CEP19: variants seen among roughly 807,000 people sequenced by gnomAD.
CEP19 encodes the protein centrosomal protein 19, also known as centrosomal protein of 19 kDa.
Under a neutral mutation model 17.5 loss-of-function variants are expected in CEP19, and 14 were observed. The observed-to-expected ratio is 0.80, with a 90% CI of 0.53 to 1.25. The LOEUF (loss-of-function observed/expected upper bound fraction) is 1.25, where lower values mean the gene tolerates loss of function less well. Ranked by LOEUF, CEP19 falls within the 50% of genes most tolerant of loss-of-function variation. The pLI is 0.00. For missense variants in CEP19, 193 were observed against 192.0 expected, an observed-to-expected ratio of 1.01 and a Z score of -0.03; for synonymous variants, 59 against 65.5, an observed-to-expected ratio of 0.90 and a Z score of 0.48.
intron 1 of CEP19, among the ~76,000 whole-genome samples, chr3:196,709,899 G>A (rs1025719039): frequency 2.0e-5 from 3 of 152,182 alleles, no homozygotes; most frequent in African/African-American, 7.2e-5. Context: ...ACTCAGTTCT[G>A]CTGGAGAATC....
chr3:196,707,890 T>C lies in CEP19; in HGVS notation c.153A>G (p.Gln51=). The C allele has an allele frequency of 1.9e-6, 3 of 1,611,698 alleles. No individual in the cohort carries two copies. Among genetic ancestry groups the C allele is most frequent in the Non-Finnish European group, 2.5e-6 (3 of 1,179,894 alleles). The change falls in exon 3 of 3, where the codon CAA becomes CAG. Residue 51 remains glutamine, a synonymous_variant. Coordinates refer to ENST00000409690, the MANE Select transcript of CEP19 (RefSeq NM_032898.5). ...KFSDCTRAAE[Q]LKNNPRHKSY... is the part of the protein sequence containing the mutation. Reference sequence around the variant, plus strand: ...TCTTGTGTCGCGGATTATTCTTTAATTGTTCAGCAGCTCTGGTGCAATCTG... The same window carrying C: ...TCTTGTGTCGCGGATTATTCTTTAACTGTTCAGCAGCTCTGGTGCAATCTG...
intron 2 of CEP19, 106 bp from the exon 3 acceptor site, chr3:196,708,018 A>C (rs1187538396): frequency 1.6e-6 from 2 of 1,252,130 alleles, no homozygotes; most frequent in Non-Finnish European, 2.2e-6. Context: ...AACCCTGAAA[A>C]TATTATCTCC....
Position 196,707,625 on chromosome 3 carries a change from T to C in CEP19, c.418A>G (p.Ile140Val), listed in dbSNP as rs1315226052. ...TCGTCCTGTGGAAATTCAACCTCAATGTCATAAACAAAATTTGGATCATCC... is the reference window on the plus strand; with the variant it reads ...TCGTCCTGTGGAAATTCAACCTCAACGTCATAAACAAAATTTGGATCATCC... ...KKDDPNFVYD[I>V]EVEFPQDDQL... Residue 140 changes from isoleucine (I) to valine (V), a missense_variant, in exon 3 of 3, where the codon ATT becomes GTT. By Grantham distance (29) the Ile-to-Val change is conservative. Coordinates refer to ENST00000409690, the MANE Select transcript of CEP19 (RefSeq NM_032898.5). 1 of 1,613,888 alleles carries C rather than the reference T, an allele frequency of 6.2e-7. No individual in the cohort carries two copies. Among genetic ancestry groups the C allele is most frequent in the Non-Finnish European group, 8.5e-7 (1 of 1,180,008 alleles).
At position 196,707,863 on chromosome 3, in the gene CEP19, A is replaced by G; in HGVS notation, c.180T>C (p.Ser60=). 6.2e-7 allele frequency: 1 copy of G among 1,613,700 alleles called. No individual in the cohort carries two copies. Among genetic ancestry groups the G allele is most frequent in the Non-Finnish European group, 8.5e-7 (1 of 1,180,002 alleles). The change falls in exon 3 of 3, where the codon AGT becomes AGC. Residue 60 remains serine (S), a synonymous_variant. Coordinates refer to ENST00000409690, the MANE Select transcript of CEP19 (RefSeq NM_032898.5). ...GCCTCAGGGATACTTGTTCTAGGTA[A>G]CTCTTGTGTCGCGGATTATTCTTTA... The part of the protein sequence containing the change: ...EQLKNNPRHK[S]YLEQVSLRQL...
intron 1 of CEP19, 121 bp downstream of exon 1, chr3:196,711,808 T>C (rs1711804858): frequency 7.2e-6 from 5 of 694,724 alleles, no homozygotes; most frequent in Non-Finnish European, 1.3e-5. Context: ...TCCCCAGAGA[T>C]CAGTAACTGC....
chr3:196,710,877 A>G (rs1711735797), intron 1 of CEP19, among the ~76,000 whole-genome samples: 1 of 149,598 alleles, frequency 6.7e-6, no homozygotes, highest in Non-Finnish European at 1.5e-5. Context: ...AACTACTTTA[A>G]AAAATTACTG....
In CEP19 at chr3:196,712,112, C is replaced by G. The variant is rs1465164291; in HGVS notation, c.-254G>C. 8.0e-6 allele frequency: 5 copies of G among 623,898 alleles called. No homozygotes were observed. The highest frequency in any genetic ancestry group is 1.5e-5 in the Non-Finnish European group (5 of 338,756). 38.6% of individuals were successfully genotyped at this position (623,898 alleles called of 1,614,324 possible). ...CTGACGAGCCCGAGGGGTGAACTCC[C>G]CGGCGGGAGGCCCGAACCCTCAAAC... On this transcript the variant is annotated 5_prime_UTR_variant, in exon 1 of 3. Coordinates refer to ENST00000409690, the MANE Select transcript of CEP19 (RefSeq NM_032898.5).
intron 1 of CEP19, 126 bp from the exon 2 acceptor site, chr3:196,708,853 T>A (rs570311203): frequency 6.6e-5 from 37 of 562,574 alleles, no homozygotes; most frequent in Middle Eastern, 4.7e-4. Flanking sequence ...TCATTTTTTT[T>A]AAAATTAAAA....
chr3:196,708,732 A>AG lies in CEP19; in HGVS notation c.-70-6dup. The AG allele has an allele frequency of 6.7e-7, 1 of 1,495,466 alleles. No homozygotes were observed. Among genetic ancestry groups the AG allele is most frequent in the East Asian group, 2.4e-5 (1 of 42,098 alleles). 92.6% of individuals were successfully genotyped at this position (1,495,466 alleles called of 1,614,324 possible). A position where few individuals can be genotyped will look rare whatever the true frequency, so the allele number is the denominator to read the frequency against. ...AAGTTGCATAATGACTTCCTGCTAAAGGGAAAAAACAACTAGGTGTTGGAT... is the reference window on the plus strand; with the variant it reads ...AAGTTGCATAATGACTTCCTGCTAAAGGGGAAAAAACAACTAGGTGTTGGAT... On this transcript the variant is annotated splice_polypyrimidine_tract_variant and splice_region_variant and intron_variant, in intron 1 of 2. Transcript: ENST00000409690.
At position 196,708,845 on chromosome 3, in the gene CEP19, A is replaced by ATT. The variant is rs79412711; in HGVS notation, c.-70-120_-70-119dup. On this transcript the variant is annotated intron_variant, in intron 1 of 2. Transcript: ENST00000409690. ...CACACACGCTCAGCCTGTGAAACTC[A>ATT]TTTTTTTTAAAATTAAAATACGGAC... 1.4e-5 allele frequency: 8 copies of ATT among 571,438 alleles called. No homozygotes were observed. In the East Asian group the frequency reaches 1.5e-4, roughly 11 times the overall value. The allele number at this position is 571,438 out of a possible 1,614,324, so 35.4% of individuals were successfully genotyped here.
At position 196,707,881 on chromosome 3, in the gene CEP19, A is replaced by C. The variant is rs1711586935; in HGVS notation, c.162T>G (p.Asn54Lys). ...DCTRAAEQLK[N>K]NPRHKSYLEQ... ...CTAGGTAACTCTTGTGTCGCGGATT[A>C]TTCTTTAATTGTTCAGCAGCTCTGG... is the stretch of plus-strand genomic sequence containing the variant. Residue 54 changes from asparagine to lysine, a missense_variant, in exon 3 of 3, where the codon AAT becomes AAG. By Grantham distance (94) the Asn-to-Lys change is moderately conservative. Coordinates refer to ENST00000409690, the MANE Select transcript of CEP19 (RefSeq NM_032898.5). The C allele has an allele frequency of 6.2e-7, 1 of 1,612,576 alleles. No homozygotes were observed. The highest frequency in any genetic ancestry group is 8.5e-7 in the Non-Finnish European group (1 of 1,179,930).
In CEP19 at chr3:196,706,934, T is replaced by G. The variant is rs903052532; in HGVS notation, c.*617A>C. 6.6e-6 allele frequency: 1 copy of G among 152,314 alleles called. No homozygotes were observed. Among genetic ancestry groups the G allele is most frequent in the African/African-American group, 2.4e-5 (1 of 41,448 alleles). 9.4% of individuals were successfully genotyped at this position (152,314 alleles called of 1,614,324 possible). ...CAGTAATATATGCTCTGGCCTTCTT[T>G]AGCCTTTATCATGCATTTGGCACTA... is the stretch of plus-strand genomic sequence containing the variant. On this transcript the variant is annotated 3_prime_UTR_variant, in exon 3 of 3. Transcript: ENST00000409690.
rs2108662369 is a variant in CEP19 at position 196,707,380 on chromosome 3, C to T, written c.*171G>A. 1 of 683,692 alleles carries T rather than the reference C, an allele frequency of 1.5e-6. No homozygotes were observed. Among genetic ancestry groups the T allele is most frequent in the Non-Finnish European group, 2.4e-6 (1 of 414,488 alleles). The allele number at this position is 683,692 out of a possible 1,614,324, so 42.4% of individuals were successfully genotyped here. On this transcript the variant is annotated 3_prime_UTR_variant, in exon 3 of 3. Coordinates refer to ENST00000409690, the MANE Select transcript of CEP19 (RefSeq NM_032898.5). ...ATTCCTTTATTCTGTTTTTCCCATA[C>T]TCCTCATGCACCTACATAGTAGATG...
chr3:196,712,055 C>A lies in CEP19; in HGVS notation c.-197G>T. 2 of 709,836 alleles carry A rather than the reference C, an allele frequency of 2.8e-6. No individual in the cohort carries two copies. The highest frequency in any genetic ancestry group is 5.2e-6 in the Non-Finnish European group (2 of 381,196). The allele number at this position is 709,836 out of a possible 1,614,324, so 44.0% of individuals were successfully genotyped here. On this transcript the variant is annotated 5_prime_UTR_variant, in exon 1 of 3. Transcript: ENST00000409690. ...GACTGTGAGACCGGGCGGAGCCTGG[C>A]GCTGCAGGAAGAGGCGACAGCCACA...
rs764489551 is a variant in CEP19, at chr3:196,708,512, A to G, written c.130+16T>C. ...GAGAATATTTAAGACAGGAGGCAAG[A>G]TAAGACATGAGGTACCTGAAAACTT... On this transcript the variant is annotated intron_variant, in intron 2 of 2. Coordinates refer to ENST00000409690, the MANE Select transcript of CEP19 (RefSeq NM_032898.5). The G allele has an allele frequency of 1.2e-6, 2 of 1,613,226 alleles. No individual in the cohort carries two copies. The highest frequency in any genetic ancestry group is 2.7e-5 in the African/African-American group (2 of 74,908).
chr3:196,707,429 A>G lies in CEP19; in HGVS notation c.*122T>C, dbSNP rs1360329246. 3.6e-6 allele frequency: 4 copies of G among 1,096,004 alleles called. No individual in the cohort carries two copies. The highest frequency in any genetic ancestry group is 3.1e-5 in the South Asian group (2 of 64,146). The allele number at this position is 1,096,004 out of a possible 1,614,324, so 67.9% of individuals were successfully genotyped here. Reference sequence around the variant, plus strand: ...TGCTTTAAATGTCCTGGTTTTGAAAAGTAACATGGTCAATCCCCTATAACC... The same window carrying G: ...TGCTTTAAATGTCCTGGTTTTGAAAGGTAACATGGTCAATCCCCTATAACC... On this transcript the variant is annotated 3_prime_UTR_variant, in exon 3 of 3. Coordinates refer to ENST00000409690, the MANE Select transcript of CEP19 (RefSeq NM_032898.5).
Position 196,708,708 on chromosome 3 carries a change from A to C in CEP19, c.-51T>G. The C allele has an allele frequency of 1.3e-6, 2 of 1,589,908 alleles. No homozygotes were observed. The highest frequency in any genetic ancestry group is 1.7e-6 in the Non-Finnish European group (2 of 1,162,610). On this transcript the variant is annotated 5_prime_UTR_variant, in exon 2 of 3. Transcript: ENST00000409690. ...AGAGGAAATCTGATGAATATGTGTA[A>C]GTTGCATAATGACTTCCTGCTAAAG...
At position 196,707,804 on chromosome 3, in the gene CEP19, T is replaced by C; in HGVS notation, c.239A>G (p.Tyr80Cys). The C allele has an allele frequency of 1.9e-6, 3 of 1,614,200 alleles. No individual in the cohort carries two copies. Among genetic ancestry groups the C allele is most frequent in the Non-Finnish European group, 2.5e-6 (3 of 1,180,030 alleles). ...LEKLFSFLRGYLSGQSLAETM... is the reference protein window; with the variant it reads ...LEKLFSFLRGCLSGQSLAETM... ...TTCTGCCAGACTCTGCCCCGACAAG[T>C]AACCTCGTAAAAAACTGAATAGCTT... The change falls in exon 3 of 3, where the codon TAC becomes TGC. Residue 80 changes from tyrosine (Y) to cysteine (C), a missense_variant. Transcript: ENST00000409690.
chr3:196,707,760 G>C lies in CEP19; in HGVS notation c.283C>G (p.Arg95Gly), dbSNP rs201163650. The change falls in exon 3 of 3, where the codon CGG (arginine) becomes GGG (glycine). Residue 95 changes from arginine (R) to glycine (G), a missense_variant. Coordinates refer to ENST00000409690, the MANE Select transcript of CEP19 (RefSeq NM_032898.5). ...SLAETMEQIQ[R>G]ETTIDPEEDL... ...TCCTCAGGATCAATGGTTGTTTCCCGTTGAATTTGTTCCATTGTTTCTGCC... is the reference window on the plus strand; with the variant it reads ...TCCTCAGGATCAATGGTTGTTTCCCCTTGAATTTGTTCCATTGTTTCTGCC... 1.9e-6 allele frequency: 3 copies of C among 1,614,054 alleles called. No individual in the cohort carries two copies. The highest frequency in any genetic ancestry group is 2.5e-6 in the Non-Finnish European group (3 of 1,180,000).
Sources: gnomAD v4.1 joint callset for allele counts (sites outside exome capture counted in the v4.1 genomes callset) on GRCh38, gnomAD v4.1.1 for gene constraint, MANE v1.5 for transcripts, NCBI Gene and HGNC (gene_info 2026-07-23, HGNC 2026-07-21) for gene names.